The following ZNF138 variants were observed in gnomAD, a reference collection of about 807,000 sequenced individuals.
ZNF138 encodes the protein zinc finger protein 138.
Under a neutral mutation model 33.0 loss-of-function variants are expected in ZNF138, and 33 were observed. That is an observed-to-expected ratio of 1.00 (90% confidence interval 0.76 to 1.34). ZNF138 has a LOEUF of 1.34. ZNF138 is among the 40% of genes most tolerant of loss of function. The pLI is 0.00. For missense variants in ZNF138, 360 were observed against 370.8 expected (o/e 0.97, Z 0.24); for synonymous variants, 139 against 120.4 (o/e 1.15, Z -1.01).
downstream of ZNF138, among the ~76,000 whole-genome samples, chr7:64,837,607 C>T (rs4718131): frequency 0.31 from 47,427 of 152,046 alleles, 7,945 homozygotes; most frequent in Non-Finnish European, 0.37. Flanking sequence ...TGGCGCGTCT[C>T]GAGAGCCAAT....
At chr7:64,833,918 A>G (rs13237903), downstream of ZNF138, among the ~76,000 whole-genome samples, 150,090 of 152,314 alleles carry the variant, frequency 0.99, 73,989 homozygotes, top group East Asian at 1. Flanking sequence ...TAGAGACAGG[A>G]TTTTACTGTG....
Position 64,830,963 on chromosome 7 carries a change from A to G in ZNF138, c.209-488A>G, listed in dbSNP as rs763073678. 4.5e-6 allele frequency: 7 copies of G among 1,551,444 alleles called. No homozygotes were observed. In the South Asian group the frequency reaches 8.3e-5, roughly 18 times the overall value. On this transcript the variant is annotated intron_variant, in intron 3 of 3. Coordinates refer to ENST00000307355, the MANE Select transcript of ZNF138 (RefSeq NM_001271639.2). ...AGCTGTAGCATTTACCTTTGATCTC[A>G]GTGGACTCAACATTTTGTCATTCCA...
At chr7:64,837,064 G>C (rs1259937357), downstream of ZNF138, among the ~76,000 whole-genome samples, 2 of 152,198 alleles carry the variant, frequency 1.3e-5, no homozygotes, top group Admixed American at 6.5e-5. Context: ...GGAATGACCA[G>C]CTTTCCTCGA....
At chr7:64,819,329 T>A (rs1788924075) in intron 3 of ZNF138, among the ~76,000 whole-genome samples, 1 of 151,042 alleles carries the variant, frequency 6.6e-6, no homozygotes, top group African/African-American at 2.4e-5. Flanking sequence ...TTTCCTTGTG[T>A]GAGAGAAACA....
chr7:64,828,367 G>A (rs748321095), intron 3 of ZNF138, among the ~76,000 whole-genome samples: 2 of 151,990 alleles, frequency 1.3e-5, no homozygotes, highest in African/African-American at 4.8e-5. Flanking sequence ...TTTCATGGCA[G>A]TTTTCAAACA....
Position 64,814,726 on chromosome 7 carries a change from G to T in ZNF138, c.4-192G>T, listed in dbSNP as rs576153022. ...TGCAGTGAGCCAAGATTGCACCATT[G>T]CACTCCAGCGTGGGCAACAGAGTGA... is the stretch of plus-strand genomic sequence containing the variant. On this transcript the variant is annotated intron_variant, in intron 1 of 3. Coordinates refer to ENST00000307355, the MANE Select transcript of ZNF138 (RefSeq NM_001271639.2). 4.5e-4 allele frequency among the ~76,000 whole-genome samples: 68 copies of T among 152,032 alleles called. No individual in the cohort carries two copies. In the South Asian group the frequency reaches 0.014, roughly 32 times the overall value.
intron 3 of ZNF138, among the ~76,000 whole-genome samples, chr7:64,828,183 T>TC (rs1047922557): frequency 0.073 from 21 of 288 alleles, no homozygotes; most frequent in Admixed American, 0.17. Context: ...ATAATTCTGG[T>TC]TTTTTTTTAG....
intron 1 of ZNF138, among the ~76,000 whole-genome samples, chr7:64,812,840 A>G (rs1014495569): frequency 7.0e-5 from 7 of 100,620 alleles, no homozygotes; most frequent in Admixed American, 1.6e-4. Context: ...AGAAAGGGGA[A>G]AAAAATTGCC....
chr7:64,814,252 G>T (rs1788426142), intron 1 of ZNF138: 1 of 534,804 alleles, frequency 1.9e-6, no homozygotes, highest in East Asian at 1.2e-4. Context: ...TAAAACTTGA[G>T]AGGTACCTTT....
At chr7:64,855,940 G>A in the ZNF138 span, among the ~76,000 whole-genome samples, 1 of 6,582 alleles carries the variant, frequency 1.5e-4, no homozygotes, top group African/African-American at 1.6e-4. Context: ...CACCCCATCT[G>A]GGAAGTGAGG....
chr7:64,830,250 T>G (rs1789975818), intron 3 of ZNF138, among the ~76,000 whole-genome samples: 1 of 152,032 alleles, frequency 6.6e-6, no homozygotes, highest in Non-Finnish European at 1.5e-5. Context: ...ATAAATATCT[T>G]TGTGTGTATT....
intron 1 of ZNF138, among the ~76,000 whole-genome samples, chr7:64,799,743 A>C (rs1317656054): frequency 6.6e-6 from 1 of 152,166 alleles, no homozygotes; most frequent in Non-Finnish European, 1.5e-5. Context: ...TCCCGGGTTC[A>C]AACGATTCTC....
At position 64,833,207 on chromosome 7, in the gene ZNF138, C is replaced by A. The variant is rs569280595; in HGVS notation, c.*1005C>A. Reference sequence around the variant, plus strand: ...TAAATTCTTTAACAAGTCTTCAACCCTTTCTGCACATAATATAATTCATAC... The same window carrying A: ...TAAATTCTTTAACAAGTCTTCAACCATTTCTGCACATAATATAATTCATAC... On this transcript the variant is annotated 3_prime_UTR_variant, in exon 4 of 4. Coordinates refer to ENST00000307355, the MANE Select transcript of ZNF138 (RefSeq NM_001271639.2). The A allele has an allele frequency of 1.1e-4, 26 of 238,406 alleles. No individual in the cohort carries two copies. Among genetic ancestry groups the A allele is most frequent in the African/African-American group, 5.2e-4 (23 of 44,128 alleles). 14.8% of individuals were successfully genotyped at this position (238,406 alleles called of 1,614,324 possible).
chr7:64,830,734 A>G (rs1790014709), intron 3 of ZNF138, among the ~76,000 whole-genome samples: 2 of 152,194 alleles, frequency 1.3e-5, no homozygotes, highest in Admixed American at 1.3e-4. Flanking sequence ...TTTGAACATT[A>G]AAAAAAGCTA....
At chr7:64,811,703 T>C (rs1056426825) in intron 1 of ZNF138, among the ~76,000 whole-genome samples, 1 of 152,236 alleles carries the variant, frequency 6.6e-6, no homozygotes, top group African/African-American at 2.4e-5. Flanking sequence ...AATATGAAAA[T>C]TGATTATCTT....
chr7:64,799,028 A>G (rs1786926271), intron 1 of ZNF138, among the ~76,000 whole-genome samples: 1 of 151,732 alleles, frequency 6.6e-6, no homozygotes, highest in African/African-American at 2.4e-5. Context: ...TTGGCTATTC[A>G]GGCTCTTTGT....
At chr7:64,853,492 T>G in the ZNF138 span, 1 of 480,194 alleles carries the variant, frequency 2.1e-6, no homozygotes, top group African/African-American at 2.0e-5. Flanking sequence ...ATGTAGTATT[T>G]GTCTTTCTAT....
chr7:64,809,760 T>A (rs1195970706), intron 1 of ZNF138, among the ~76,000 whole-genome samples: 1 of 133,048 alleles, frequency 7.5e-6, no homozygotes, highest in Admixed American at 7.4e-5. Context: ...CGGGCAGAGA[T>A]GCTCCTCACC....
Position 64,832,304 on chromosome 7 carries a change from G to A in ZNF138, c.*102G>A. On this transcript the variant is annotated 3_prime_UTR_variant, in exon 4 of 4. Coordinates refer to ENST00000307355, the MANE Select transcript of ZNF138 (RefSeq NM_001271639.2). ...AGTTTTCAACCCTTATTACACATAA[G>A]ATAATTCATAGCGGAGAGAAACCCC... 6.3e-7 allele frequency: 1 copy of A among 1,583,112 alleles called. No homozygotes were observed. Among genetic ancestry groups the A allele is most frequent in the Non-Finnish European group, 8.6e-7 (1 of 1,166,978 alleles).
Sources: allele counts gnomAD v4.1 joint callset (sites outside exome capture counted in the v4.1 genomes callset), GRCh38; gene constraint gnomAD v4.1.1; transcripts MANE v1.5; gene names NCBI Gene and HGNC (gene_info 2026-07-23, HGNC 2026-07-21).